Variants in TREML2 observed in about 807,000 individuals in gnomAD.
The protein encoded by TREML2 is triggering receptor expressed on myeloid cells like 2.
A neutral mutation model predicts 25.9 loss-of-function variants in TREML2; 24 were observed. The ratio of observed to expected loss-of-function variants is 0.93; its 90% CI spans 0.67 to 1.30. The LOEUF is 1.30. TREML2 is among the 50% of genes most tolerant of loss of function. The pLI, the probability that TREML2 is intolerant of heterozygous loss-of-function variation, is 0.00. For synonymous variants in TREML2, 139 were observed against 155.2 expected (o/e 0.90, Z 0.77); for missense variants, 359 against 395.6 (o/e 0.91, Z 0.78).
Position 41,192,448 on chromosome 6 carries a change from A to T in TREML2, c.945T>A (p.Tyr315Ter), listed in dbSNP as rs867590760. Residue 315 changes from tyrosine (Y) to a stop codon, truncating the protein, a stop_gained, in exon 5 of 5, where the codon TAT becomes TAA. Transcript: ENST00000483722. LOFTEE classifies it high-confidence loss of function. Reference protein sequence around the residue: ...TRDPPGRPEPYVEVYLI With the variant: ...TRDPPGRPEP ...GGCCTCAGATCAAGTAGACTTCCAC[A>T]TAGGGCTCTGGTCTTCCAGGTGGGT... 2.5e-6 allele frequency: 4 copies of T among 1,613,950 alleles called. No homozygotes were observed. The highest frequency in any genetic ancestry group is 1.7e-4 in the Middle Eastern group (1 of 6,058).
In TREML2 at chr6:41,201,077, C is replaced by T. The variant is rs1174736107; in HGVS notation, c.-69G>A. On this transcript the variant is annotated 5_prime_UTR_variant, in exon 1 of 5. Transcript: ENST00000483722. ...GAGGGCCCACCCGACACAGGATGTG[C>T]CACCTGGGCCTGCCAGGGAAGGACC... 1 of 1,574,704 alleles carries T rather than the reference C, an allele frequency of 6.4e-7. No individual in the cohort carries two copies. The highest frequency in any genetic ancestry group is 1.7e-5 in the Admixed American group (1 of 59,694).
At chr6:41,197,717 C>A (rs1024877740) in intron 2 of TREML2, among the ~76,000 whole-genome samples, 3 of 152,168 alleles carry the variant, frequency 2.0e-5, no homozygotes, top group African/African-American at 7.2e-5. Context: ...CCTGTCATCT[C>A]CCATAGTGCA....
Position 41,192,842 on chromosome 6 carries a change from A to T in TREML2, c.845T>A (p.Leu282Gln), listed in dbSNP as rs1243828152. 1 of 1,611,480 alleles carries T rather than the reference A, an allele frequency of 6.2e-7. No individual in the cohort carries two copies. ...CTTCCAAAACCCATAGACCATGATC[A>T]GCATCAGCACCAGGAGGGTCAGCAC... is the stretch of plus-strand genomic sequence containing the variant. ...GVVLTLLVLM[L>Q]IMVYGFWKKR... The change falls in exon 4 of 5, where the codon CTG becomes CAG. Residue 282 changes from leucine (L) to glutamine (Q), a missense_variant. By Grantham distance (113) the Leu-to-Gln change is moderately radical. Transcript: ENST00000483722.
intron 3 of TREML2, 34 bp from the exon 4 acceptor site, chr6:41,192,935 C>T: frequency 1.3e-6 from 2 of 1,503,870 alleles, no homozygotes; most frequent in South Asian, 2.7e-5. Flanking sequence ...AGCGGGTGAG[C>T]ACCAAGGTCC....
At chr6:41,193,324 T>G (rs1213475120) in intron 3 of TREML2, among the ~76,000 whole-genome samples, 1 of 152,110 alleles carries the variant, frequency 6.6e-6, no homozygotes, top group Non-Finnish European at 1.5e-5. Context: ...GCACACATCA[T>G]CAGCACCTCC....
At chr6:41,196,004 C>T (rs1766153283) in intron 2 of TREML2, among the ~76,000 whole-genome samples, 1 of 152,154 alleles carries the variant, frequency 6.6e-6, no homozygotes, top group Non-Finnish European at 1.5e-5. Context: ...AAAACCTGGT[C>T]TTCAGGGGGC....
chr6:41,191,959 A>AGGTCATCCCC lies in TREML2; in HGVS notation c.*467_*468insGGGGATGACC. On this transcript the variant is annotated 3_prime_UTR_variant, in exon 5 of 5. Transcript: ENST00000483722. Reference sequence around the variant, plus strand: ...AGGATGGGACATCACTGCCTCTGGCATTCGTGAGCCCGATTCTTTCTTCCC... The same window carrying AGGTCATCCCC: ...AGGATGGGACATCACTGCCTCTGGCAGGTCATCCCCTTCGTGAGCCCGATTCTTTCTTCCC... The AGGTCATCCCC allele has an allele frequency of 6.1e-6, 1 of 164,060 alleles. No homozygotes were observed. The highest frequency in any genetic ancestry group is 1.3e-5 in the Non-Finnish European group (1 of 74,318). 10.2% of individuals were successfully genotyped at this position (164,060 alleles called of 1,614,324 possible). A position where few individuals can be genotyped will look rare whatever the true frequency, so the allele number is the denominator to read the frequency against.
In TREML2 at chr6:41,190,851, G is replaced by C. The variant is rs2038567; in HGVS notation, c.*1576C>G. On this transcript the variant is annotated 3_prime_UTR_variant, in exon 5 of 5. Coordinates refer to ENST00000483722, the MANE Select transcript of TREML2 (RefSeq NM_024807.4). ...GCTAGACAGAGATGGGTGTGTGTGC[G>C]TGTCTGTCTGTCTGTCTGTCTGTCT... 3,285 of 151,440 alleles carry C rather than the reference G, an allele frequency of 0.022. 141 individuals carry two copies. The highest frequency in any genetic ancestry group is 0.055 in the South Asian group (266 of 4,800). 9.4% of individuals were successfully genotyped at this position (151,440 alleles called of 1,614,324 possible).
At chr6:41,199,347 T>A (rs1248312830) in intron 1 of TREML2, among the ~76,000 whole-genome samples, 1 of 152,268 alleles carries the variant, frequency 6.6e-6, no homozygotes, top group Non-Finnish European at 1.5e-5. Flanking sequence ...TAGTCCTCTT[T>A]AAATAATAAC....
rs3049054 is a variant in TREML2 at position 41,191,169 on chromosome 6, C to G, written c.*1258G>C. On this transcript the variant is annotated 3_prime_UTR_variant, in exon 5 of 5. Transcript: ENST00000483722. ...CCAGTCACTCCAGGTCAGTAGACACCTGTGTGTGTGTGTGTGTGTGTGTGT... is the reference window on the plus strand; with the variant it reads ...CCAGTCACTCCAGGTCAGTAGACACGTGTGTGTGTGTGTGTGTGTGTGTGT... 0.016 allele frequency: 1,913 copies of G among 117,342 alleles called. 38 individuals carry two copies. Among genetic ancestry groups the G allele is most frequent in the Non-Finnish European group, 0.024 (1,377 of 57,368 alleles). The allele number at this position is 117,342 out of a possible 1,614,324, so 7.3% of individuals were successfully genotyped here.
In TREML2 at chr6:41,192,897, G is replaced by A; in HGVS notation, c.790C>T (p.Gln264Ter). 1 of 1,568,150 alleles carries A rather than the reference G, an allele frequency of 6.4e-7. No individual in the cohort carries two copies. Among genetic ancestry groups the A allele is most frequent in the Non-Finnish European group, 8.6e-7 (1 of 1,159,604 alleles). The change falls in exon 4 of 5, where the codon CAG becomes TAG. Residue 264 changes from glutamine to a stop codon, truncating the protein, a stop_gained. Transcript: ENST00000483722. LOFTEE classifies it high-confidence loss of function. ...CCAAGCACAGTGGAGTAAACATCCT[G>A]GTGCCTGAGAAGAAGGGACAGGGTG... ...RLPSMPSIRH[Q>*]DVYSTVLGVV...
chr6:41,192,353 C>T lies in TREML2; in HGVS notation c.*74G>A. On this transcript the variant is annotated 3_prime_UTR_variant, in exon 5 of 5. Coordinates refer to ENST00000483722, the MANE Select transcript of TREML2 (RefSeq NM_024807.4). ...TCCAGCTTCATAAGATCGATACTGGCCCCAATCTTCACCCCTCCTCTAACC... is the reference window on the plus strand; with the variant it reads ...TCCAGCTTCATAAGATCGATACTGGTCCCAATCTTCACCCCTCCTCTAACC... The T allele has an allele frequency of 8.4e-7, 1 of 1,184,194 alleles. No individual in the cohort carries two copies. 73.4% of individuals were successfully genotyped at this position (1,184,194 alleles called of 1,614,324 possible). A position where few individuals can be genotyped will look rare whatever the true frequency, so the allele number is the denominator to read the frequency against.
chr6:41,195,933 G>A (rs1766151919), intron 2 of TREML2, among the ~76,000 whole-genome samples: 1 of 152,202 alleles, frequency 6.6e-6, no homozygotes, highest in African/African-American at 2.4e-5. Context: ...AGCCCAAGAT[G>A]CAGGATGGGG....
Position 41,192,297 on chromosome 6 carries a change from G to C in TREML2, c.*130C>G, listed in dbSNP as rs936138969. 12 of 751,142 alleles carry C rather than the reference G, an allele frequency of 1.6e-5. No homozygotes were observed. The African/African-American group carries it at 1.9e-4, about 12-fold the overall frequency. The allele number at this position is 751,142 out of a possible 1,614,324, so 46.5% of individuals were successfully genotyped here. On this transcript the variant is annotated 3_prime_UTR_variant, in exon 5 of 5. Coordinates refer to ENST00000483722, the MANE Select transcript of TREML2 (RefSeq NM_024807.4). ...GGATGGCAGCCTCTGGGTTTGGGAA[G>C]TCCTGGGTGAGTCCAGCACTGCACA...
Position 41,192,326 on chromosome 6 carries a change from C to T in TREML2, c.*101G>A. The stretch of plus-strand genomic sequence containing the variant: ...TGGGTGAGTCCAGCACTGCACAAGT[C>T]CTCCAGCTTCATAAGATCGATACTG... On this transcript the variant is annotated 3_prime_UTR_variant, in exon 5 of 5. Coordinates refer to ENST00000483722, the MANE Select transcript of TREML2 (RefSeq NM_024807.4). 1.0e-6 allele frequency: 1 copy of T among 962,894 alleles called. No individual in the cohort carries two copies. Among genetic ancestry groups the T allele is most frequent in the Non-Finnish European group, 1.6e-6 (1 of 616,898 alleles). The allele number at this position is 962,894 out of a possible 1,614,324, so 59.6% of individuals were successfully genotyped here.
At position 41,190,455 on chromosome 6, in the gene TREML2, C is replaced by T. The variant is rs1235120276; in HGVS notation, c.*1972G>A. The T allele has an allele frequency of 6.6e-6, 1 of 152,178 alleles. No individual in the cohort carries two copies. The highest frequency in any genetic ancestry group is 1.5e-5 in the Non-Finnish European group (1 of 68,040). 9.4% of individuals were successfully genotyped at this position (152,178 alleles called of 1,614,324 possible). A position where few individuals can be genotyped will look rare whatever the true frequency, so the allele number is the denominator to read the frequency against. On this transcript the variant is annotated 3_prime_UTR_variant, in exon 5 of 5. Transcript: ENST00000483722. ...TGGAAACAACATTAGAGCTGGAAAA[C>T]AACTTAAGGAATAATGGTAATGAGG...
intron 1 of TREML2, among the ~76,000 whole-genome samples, chr6:41,199,439 T>C (rs1766237060): frequency 6.6e-6 from 1 of 152,258 alleles, no homozygotes; most frequent in African/African-American, 2.4e-5. Flanking sequence ...TGTCTAAATA[T>C]ACATGTAAAC....
chr6:41,192,934 G>A, intron 3 of TREML2, 33 bp from the exon 4 acceptor site: 1 of 1,502,088 alleles, frequency 6.7e-7, no homozygotes, highest in Middle Eastern at 1.8e-4. Context: ...AAGCGGGTGA[G>A]CACCAAGGTC....
rs1244448666 is a variant in TREML2, at chr6:41,200,985, C to T, written c.24G>A (p.Leu8=). The change falls in exon 1 of 5, where the codon CTG becomes CTA. Residue 8 remains leucine (L), a synonymous_variant. Transcript: ENST00000483722. The part of the protein sequence containing the change: MAPAFLL[L]LLLWPQGCVS... ...CGCAACCCTGTGGCCACAGCAGCAG[C>T]AGCAGCAGGAAGGCTGGGGCCATGG... 1.3e-6 allele frequency: 2 copies of T among 1,591,236 alleles called. No homozygotes were observed. The highest frequency in any genetic ancestry group is 1.7e-6 in the Non-Finnish European group (2 of 1,168,750).
Sources: gnomAD v4.1 joint callset for allele counts (sites outside exome capture counted in the v4.1 genomes callset) on GRCh38, gnomAD v4.1.1 for gene constraint, MANE v1.5 for transcripts, NCBI Gene and HGNC (gene_info 2026-07-23, HGNC 2026-07-21) for gene names.